The following TRERF1 variants were observed in gnomAD, a reference collection of about 807,000 sequenced individuals.
TRERF1 encodes transcriptional-regulating factor 1.
TRERF1 carries 27 observed loss-of-function variants against 122.9 expected under a neutral mutation model. The observed-to-expected ratio is 0.22, with a 90% confidence interval of 0.16 to 0.30. The LOEUF is 0.30. TRERF1 is among the 10% of genes least tolerant of loss of function. The probability of loss-of-function intolerance (pLI) is 1.00; values close to 1 mark genes in which losing one functional copy is unlikely to be tolerated. For synonymous variants in TRERF1, 636 were observed against 641.7 expected (o/e 0.99, Z 0.13); for missense variants, 1,248 against 1,560.3 (o/e 0.80, Z 3.37).
chr6:42,444,833 T>C (rs1787179336), intron 2 of TRERF1, among the ~76,000 whole-genome samples: 1 of 152,196 alleles, frequency 6.6e-6, no homozygotes. Context: ...CCTTTCATCA[T>C]CAAATTTTGC....
intron 5 of TRERF1, among the ~76,000 whole-genome samples, chr6:42,267,638 A>C (rs1324440029): frequency 6.6e-6 from 1 of 152,130 alleles, no homozygotes; most frequent in African/African-American, 2.4e-5. Context: ...TCTCAAAAAA[A>C]ACAAAAACAA....
At chr6:42,325,766 T>C (rs1431584749) in intron 3 of TRERF1, among the ~76,000 whole-genome samples, 2 of 152,122 alleles carry the variant, frequency 1.3e-5, no homozygotes, top group African/African-American at 4.8e-5. Context: ...TCCCAGCTAC[T>C]CAGAAGGCTG....
intron 10 of TRERF1, among the ~76,000 whole-genome samples, chr6:42,257,844 G>A (rs1287497806): frequency 6.6e-6 from 1 of 152,234 alleles, no homozygotes; most frequent in Non-Finnish European, 1.5e-5. Flanking sequence ...CACCCGGAGG[G>A]AGATGCCTGT....
chr6:42,242,463 A>C (rs568006685), intron 15 of TRERF1, among the ~76,000 whole-genome samples: 1 of 152,382 alleles, frequency 6.6e-6, no homozygotes, highest in South Asian at 2.1e-4. Flanking sequence ...AGAGTTTAGT[A>C]ATGTCAGACA....
At chr6:42,230,781 G>A (rs1770396632) in intron 17 of TRERF1, among the ~76,000 whole-genome samples, 1 of 152,150 alleles carries the variant, frequency 6.6e-6, no homozygotes, top group Non-Finnish European at 1.5e-5. Context: ...GCTTCATGGG[G>A]GGAAGTGATC....
intron 3 of TRERF1, among the ~76,000 whole-genome samples, chr6:42,313,348 C>T (rs1761981007): frequency 6.6e-6 from 1 of 152,188 alleles, no homozygotes; most frequent in Non-Finnish European, 1.5e-5. Context: ...GGGCAGGAAG[C>T]AGAGGAGGAA....
In TRERF1 at chr6:42,271,396, A is replaced by G. The variant is rs960113375; in HGVS notation, c.-258-1548T>C. Among the ~76,000 whole-genome samples the G allele has an allele frequency of 1.0e-3, 152 of 152,270 alleles. 1 individual carries two copies. Among genetic ancestry groups the G allele is most frequent in the Non-Finnish European group, 2.2e-4 (15 of 68,016 alleles). On this transcript the variant is annotated intron_variant, in intron 4 of 17. Transcript: ENST00000372922. ...TAAATGCTGATCCTTGTCTCATGCT[A>G]GTAATAAATAATATTCTTCCATGGA... is the stretch of plus-strand genomic sequence containing the variant.
intron 2 of TRERF1, among the ~76,000 whole-genome samples, chr6:42,403,459 G>A (rs1277166893): frequency 6.6e-6 from 1 of 152,142 alleles, no homozygotes; most frequent in African/African-American, 2.4e-5. Context: ...CAGTGATGTT[G>A]CTACAAGCCA....
At chr6:42,390,960 A>C (rs1219466397) in intron 2 of TRERF1, among the ~76,000 whole-genome samples, 3 of 152,226 alleles carry the variant, frequency 2.0e-5, no homozygotes, top group African/African-American at 7.2e-5. Context: ...CACTGGGAAA[A>C]GGAACTGAAA....
intron 4 of TRERF1, among the ~76,000 whole-genome samples, chr6:42,271,235 T>C (rs59024520): frequency 0.083 from 12,556 of 150,852 alleles, 567 homozygotes; most frequent in Middle Eastern, 0.11. Flanking sequence ...CAACTTGAAA[T>C]TCTTTCTAGA....
chr6:42,449,871 C>A (rs1386802616), intron 2 of TRERF1, among the ~76,000 whole-genome samples: 1 of 152,196 alleles, frequency 6.6e-6, no homozygotes, highest in Non-Finnish European at 1.5e-5. Context: ...CCATTTTTCT[C>A]GACCCTGCTA....
chr6:42,445,363 C>CACAG (rs1787312917), intron 2 of TRERF1, among the ~76,000 whole-genome samples: 1 of 151,244 alleles, frequency 6.6e-6, no homozygotes, highest in Non-Finnish European at 1.5e-5. Context: ...GACACACACA[C>CACAG]ACACACACAC....
chr6:42,309,542 C>T (rs933468283), intron 3 of TRERF1, among the ~76,000 whole-genome samples: 1 of 152,136 alleles, frequency 6.6e-6, no homozygotes, highest in African/African-American at 2.4e-5. Flanking sequence ...TCATCTTACT[C>T]CAAGGTGTGG....
At position 42,301,508 on chromosome 6, in the gene TRERF1, G is replaced by A. The variant is rs182272825; in HGVS notation, c.-370-759C>T. Reference sequence around the variant, plus strand: ...CTCCCAAAGTGCTGGGACTACAGGCGTGGGCCACCGTGCCCAGCCGAAGGA... The same window carrying A: ...CTCCCAAAGTGCTGGGACTACAGGCATGGGCCACCGTGCCCAGCCGAAGGA... On this transcript the variant is annotated intron_variant, in intron 3 of 17. Coordinates refer to ENST00000372922, the Ensembl canonical transcript of TRERF1. Among the ~76,000 whole-genome samples, 114 of 152,308 alleles carry A rather than the reference G, an allele frequency of 7.5e-4. 1 individual carries two copies. The highest frequency in any genetic ancestry group is 6.7e-3 in the Admixed American group (102 of 15,300).
intron 3 of TRERF1, among the ~76,000 whole-genome samples, chr6:42,347,692 G>T (rs777529799): frequency 6.6e-6 from 1 of 151,998 alleles, no homozygotes; most frequent in African/African-American, 2.4e-5. Context: ...AAAGAAAAGC[G>T]GTAAGACCAA....
intron 3 of TRERF1, among the ~76,000 whole-genome samples, chr6:42,307,152 C>T (rs1787408766): frequency 6.6e-6 from 1 of 152,156 alleles, no homozygotes; most frequent in South Asian, 2.1e-4. Context: ...ACCTTGCTCC[C>T]TTTGCTTGCA....
At chr6:42,303,609 A>G (rs963541725) in intron 3 of TRERF1, among the ~76,000 whole-genome samples, 2 of 152,150 alleles carry the variant, frequency 1.3e-5, no homozygotes, top group Non-Finnish European at 2.9e-5. Context: ...TATTCAAGAC[A>G]GGCATTAAAG....
At chr6:42,307,290 C>T (rs560839156) in intron 3 of TRERF1, among the ~76,000 whole-genome samples, 22 of 152,302 alleles carry the variant, frequency 1.4e-4, no homozygotes, top group African/African-American at 4.3e-4. Flanking sequence ...GCTCCCCACA[C>T]GGCCTCCTCC....
intron 3 of TRERF1, among the ~76,000 whole-genome samples, chr6:42,307,148 C>T (rs1787408235): frequency 6.6e-6 from 1 of 152,208 alleles, no homozygotes; most frequent in Non-Finnish European, 1.5e-5. Flanking sequence ...TAGGACCTTG[C>T]TCCCTTTGCT....
Sources: gnomAD v4.1 joint callset for allele counts (sites outside exome capture counted in the v4.1 genomes callset) on GRCh38, gnomAD v4.1.1 for gene constraint, MANE v1.5 for transcripts, NCBI Gene and HGNC (gene_info 2026-07-23, HGNC 2026-07-21) for gene names.